Variants in CR1L observed in about 807,000 individuals in gnomAD.
CR1L encodes the protein complement component receptor 1-like protein.
A neutral mutation model predicts 62.3 loss-of-function variants in CR1L; 59 were observed. That is an observed-to-expected ratio of 0.95 (90% confidence interval 0.77 to 1.18). The LOEUF (loss-of-function observed/expected upper bound fraction) is 1.18, where lower values mean the gene tolerates loss of function less well. CR1L is among the 50% of genes most tolerant of loss of function. The pLI, the probability that CR1L is intolerant of heterozygous loss-of-function variation, is 0.00. For missense variants in CR1L, 700 were observed against 702.8 expected (o/e 1.00, Z 0.04); for synonymous variants, 279 against 248.7 (o/e 1.12, Z -1.15).
intron 4 of CR1L, among the ~76,000 whole-genome samples, chr1:207,692,341 T>C (rs1664010343): frequency 6.6e-6 from 1 of 152,202 alleles, no homozygotes; most frequent in Non-Finnish European, 1.5e-5. Context: ...CCATTTAGAA[T>C]ATGTTTAGCT....
At chr1:207,670,925 G>A (rs1351355998) in intron 1 of CR1L, among the ~76,000 whole-genome samples, 1 of 151,084 alleles carries the variant, frequency 6.6e-6, no homozygotes, top group Non-Finnish European at 1.5e-5. Context: ...AAATGCTTAT[G>A]GATGCTTCCG....
chr1:207,664,964 A>G (rs1189419780), intron 1 of CR1L, among the ~76,000 whole-genome samples: 4 of 152,258 alleles, frequency 2.6e-5, no homozygotes, highest in African/African-American at 4.8e-5. Flanking sequence ...TTAAAAAGAT[A>G]CATATGTTTA....
intron 1 of CR1L, among the ~76,000 whole-genome samples, chr1:207,650,081 A>G (rs1339059633): frequency 2.0e-5 from 3 of 152,126 alleles, no homozygotes; most frequent in Non-Finnish European, 4.4e-5. Flanking sequence ...TGTTTGAGCT[A>G]GAGTGACACA....
At chr1:207,686,736 G>A (rs1558019049) in intron 4 of CR1L, among the ~76,000 whole-genome samples, 2 of 151,934 alleles carry the variant, frequency 1.3e-5, no homozygotes, top group Non-Finnish European at 2.9e-5. Flanking sequence ...TGTATATTAC[G>A]GTCTGAATGT....
intron 1 of CR1L, among the ~76,000 whole-genome samples, chr1:207,647,375 A>G (rs1469290835): frequency 6.6e-6 from 1 of 152,194 alleles, no homozygotes; most frequent in African/African-American, 2.4e-5. Context: ...CTGCAAGCTC[A>G]GCTGGAATGT....
chr1:207,709,895 T>G (rs974474831), intron 10 of CR1L, among the ~76,000 whole-genome samples: 1 of 150,274 alleles, frequency 6.7e-6, no homozygotes, highest in Non-Finnish European at 1.5e-5. Context: ...AGCAAAGTAA[T>G]GTTAACTACG....
intron 9 of CR1L, among the ~76,000 whole-genome samples, chr1:207,705,526 C>T (rs1664253325): frequency 6.6e-6 from 1 of 152,160 alleles, no homozygotes; most frequent in South Asian, 2.1e-4. Flanking sequence ...TGTGCCACCG[C>T]AACAAACACA....
intron 1 of CR1L, chr1:207,658,611 A>T (rs1277782088): frequency 6.6e-6 from 1 of 152,586 alleles, no homozygotes; most frequent in Non-Finnish European, 1.5e-5. Flanking sequence ...CCAAGAGGAG[A>T]TGGCCCAGGA....
intron 1 of CR1L, chr1:207,657,258 G>C: frequency 6.5e-7 from 1 of 1,533,100 alleles, no homozygotes; most frequent in South Asian, 1.1e-5. Flanking sequence ...TCACTTATTG[G>C]AGAGAGCACG....
intron 1 of CR1L, among the ~76,000 whole-genome samples, chr1:207,676,342 T>A (rs948320507): frequency 1.3e-5 from 2 of 152,168 alleles, no homozygotes; most frequent in Non-Finnish European, 2.9e-5. Context: ...TCCGGTGGCC[T>A]GTTAGGAACT....
chr1:207,666,476 A>G (rs1297830833), intron 1 of CR1L, among the ~76,000 whole-genome samples: 1 of 152,224 alleles, frequency 6.6e-6, no homozygotes, highest in Non-Finnish European at 1.5e-5. Flanking sequence ...GATAGACTGG[A>G]TAAAGAAAAT....
intron 9 of CR1L, among the ~76,000 whole-genome samples, chr1:207,705,599 G>A (rs1171192648): frequency 4.6e-5 from 7 of 152,214 alleles, no homozygotes. Flanking sequence ...ATAGCACCTA[G>A]AATCTGACAA....
At chr1:207,680,351 A>T (rs1663776497) in intron 3 of CR1L, among the ~76,000 whole-genome samples, 1 of 152,242 alleles carries the variant, frequency 6.6e-6, no homozygotes, top group East Asian at 1.9e-4. Flanking sequence ...ACACGCACAC[A>T]GTCGAGTACA....
At chr1:207,664,640 G>C (rs1040209254) in intron 1 of CR1L, among the ~76,000 whole-genome samples, 2 of 152,180 alleles carry the variant, frequency 1.3e-5, no homozygotes, top group African/African-American at 4.8e-5. Context: ...TTTTGAAAGA[G>C]TTAACTATAA....
chr1:207,682,162 A>T (rs1391312130), intron 3 of CR1L, among the ~76,000 whole-genome samples: 6 of 152,092 alleles, frequency 3.9e-5, no homozygotes, highest in African/African-American at 1.4e-4. Flanking sequence ...TAATTAATTG[A>T]TTAATTAATT....
chr1:207,711,265 G>A lies in CR1L; in HGVS notation c.1414+3002G>A, dbSNP rs566188067. On this transcript the variant is annotated intron_variant, in intron 10 of 11. Transcript: ENST00000508064. ...TGGCAGATACATAGGGACAGAGAAA[G>A]AGCTTACAATTCTTCTACCAACCCA... 2.9e-4 allele frequency: 52 copies of A among 181,370 alleles called. No homozygotes were observed. The South Asian group carries it at 6.0e-3, about 21-fold the overall frequency. 11.2% of individuals were successfully genotyped at this position (181,370 alleles called of 1,614,324 possible).
At chr1:207,705,451 A>G (rs577362572) in intron 9 of CR1L, among the ~76,000 whole-genome samples, 15 of 152,278 alleles carry the variant, frequency 9.9e-5, no homozygotes, top group African/African-American at 3.4e-4. Flanking sequence ...CACACAGTGG[A>G]GGCTCTGCCT....
intron 4 of CR1L, among the ~76,000 whole-genome samples, chr1:207,691,451 T>C (rs1304270035): frequency 6.6e-6 from 1 of 151,944 alleles, no homozygotes; most frequent in East Asian, 1.9e-4. Context: ...TGTTGTTCAT[T>C]AGTGTTTGAA....
At chr1:207,680,427 T>C (rs2102459840) in intron 3 of CR1L, among the ~76,000 whole-genome samples, 1 of 152,336 alleles carries the variant, frequency 6.6e-6, no homozygotes, top group East Asian at 1.9e-4. Flanking sequence ...AGTTTGATGT[T>C]GCACTATTGT....
Sources: gnomAD v4.1 joint callset for allele counts (sites outside exome capture counted in the v4.1 genomes callset) on GRCh38, gnomAD v4.1.1 for gene constraint, MANE v1.5 for transcripts, NCBI Gene and HGNC (gene_info 2026-07-23, HGNC 2026-07-21) for gene names.